MAML3: variants seen among roughly 807,000 people sequenced by gnomAD.
The protein encoded by MAML3 is mastermind like transcriptional coactivator 3, also known as mastermind-like protein 3.
In MAML3, 27 loss-of-function variants were observed where a neutral mutation model predicts 101.9. The observed-to-expected ratio is 0.27, with a 90% confidence interval of 0.20 to 0.37. The LOEUF (loss-of-function observed/expected upper bound fraction) is 0.37. MAML3 is among the 10% of genes least tolerant of loss of function. The pLI is 1.00. For missense variants in MAML3, 1,316 were observed against 1,444.9 expected, an observed-to-expected ratio of 0.91 and a Z score of 1.45; for synonymous variants, 501 against 555.9, an observed-to-expected ratio of 0.90 and a Z score of 1.39.
intron 2 of MAML3, among the ~76,000 whole-genome samples, chr4:139,779,138 G>A (rs1400027807): frequency 1.3e-5 from 2 of 152,292 alleles, no homozygotes; most frequent in East Asian, 3.9e-4. Context: ...ACATACAATG[G>A]CTGACCATTG....
At chr4:139,740,038 C>T (rs1424337994) in intron 2 of MAML3, among the ~76,000 whole-genome samples, 2 of 152,152 alleles carry the variant, frequency 1.3e-5, no homozygotes, top group Non-Finnish European at 2.9e-5. Flanking sequence ...ATGGCTTCCA[C>T]AACTGGGCTT....
chr4:139,744,497 C>T (rs926586738), intron 2 of MAML3, among the ~76,000 whole-genome samples: 2 of 152,176 alleles, frequency 1.3e-5, no homozygotes, highest in Non-Finnish European at 2.9e-5. Context: ...AAATATTGCT[C>T]AGAAAACAAG....
chr4:139,926,717 T>C (rs1271845789), intron 1 of MAML3, among the ~76,000 whole-genome samples: 1 of 152,250 alleles, frequency 6.6e-6, no homozygotes, highest in East Asian at 1.9e-4. Context: ...TACAGAAAAG[T>C]TGCAGAGTAC....
At chr4:139,742,968 C>T (rs1729213398) in intron 2 of MAML3, among the ~76,000 whole-genome samples, 1 of 152,224 alleles carries the variant, frequency 6.6e-6, no homozygotes, top group Non-Finnish European at 1.5e-5. Context: ...AATTTCTTTC[C>T]ACCAGAAACT....
chr4:140,054,514 T>A (rs1727320464), intron 1 of MAML3, among the ~76,000 whole-genome samples: 1 of 152,232 alleles, frequency 6.6e-6, no homozygotes, highest in Non-Finnish European at 1.5e-5. Context: ...TCTATGAGGA[T>A]GGTGGTCTCT....
At chr4:139,820,674 C>T (rs536034287) in intron 2 of MAML3, among the ~76,000 whole-genome samples, 11 of 152,230 alleles carry the variant, frequency 7.2e-5, no homozygotes, top group Non-Finnish European at 1.2e-4. Flanking sequence ...CTTATTACAG[C>T]GTGGACATTT....
At chr4:139,963,619 G>C (rs17005312) in intron 1 of MAML3, among the ~76,000 whole-genome samples, 7,894 of 152,098 alleles carry the variant, frequency 0.052, 638 homozygotes, top group African/African-American at 0.17. Flanking sequence ...TTATACCTTG[G>C]GTCAGACTAT....
intron 1 of MAML3, among the ~76,000 whole-genome samples, chr4:140,144,548 C>CA (rs758787783): frequency 0.083 from 7,940 of 95,850 alleles, 256 homozygotes; most frequent in Middle Eastern, 0.11. Context: ...AAAGCAAAAC[C>CA]AAAAAAAAAA....
At chr4:139,801,340 G>A (rs187833215) in intron 2 of MAML3, among the ~76,000 whole-genome samples, 1 of 152,244 alleles carries the variant, frequency 6.6e-6, no homozygotes, top group East Asian at 1.9e-4. Context: ...AAATTTAACT[G>A]GGTTTCCTTT....
intron 2 of MAML3, among the ~76,000 whole-genome samples, chr4:139,790,244 A>AT (rs1560795077): frequency 2.0e-4 from 19 of 95,436 alleles, no homozygotes; most frequent in South Asian, 6.5e-4. Context: ...TATATATATA[A>AT]ATAAATATAT....
At chr4:139,741,058 G>A (rs1729149273) in intron 2 of MAML3, among the ~76,000 whole-genome samples, 1 of 152,190 alleles carries the variant, frequency 6.6e-6, no homozygotes, top group South Asian at 2.1e-4. Context: ...TCTGAGAGGA[G>A]GGCTACCCTT....
intron 2 of MAML3, 82 bp from the exon 3 acceptor site, chr4:139,730,749 G>T: frequency 1.6e-6 from 2 of 1,286,532 alleles, no homozygotes; most frequent in Non-Finnish European, 2.2e-6. Flanking sequence ...TGGAAAAAGG[G>T]AACGGGGCAG....
At position 140,078,028 on chromosome 4, in the gene MAML3, A is replaced by AATAAATAAAT. The variant is rs1727800974; in HGVS notation, c.468+74831_468+74832insATTTATTTAT. On this transcript the variant is annotated intron_variant, in intron 1 of 4. Transcript: ENST00000509479. ...CAAGACTCCGTCTCAAATAAATAAA[A>AATAAATAAAT]AAATAAATAAATAAATAAATAAATA... 3.8e-4 allele frequency among the ~76,000 whole-genome samples: 56 copies of AATAAATAAAT among 148,050 alleles called. No homozygotes were observed. The South Asian group carries it at 0.012, about 32-fold the overall frequency.
At chr4:140,025,106 A>T (rs182190607) in intron 1 of MAML3, among the ~76,000 whole-genome samples, 10 of 152,300 alleles carry the variant, frequency 6.6e-5, no homozygotes, top group Admixed American at 6.5e-4. Flanking sequence ...TATAACAACC[A>T]ATGTAATGTG....
chr4:140,024,516 G>C (rs1041762071), intron 1 of MAML3, among the ~76,000 whole-genome samples: 2 of 152,032 alleles, frequency 1.3e-5, no homozygotes, highest in African/African-American at 4.8e-5. Context: ...GCGTGTGCTG[G>C]GATTACAGGC....
chr4:139,745,132 A>T (rs1729279094), intron 2 of MAML3, among the ~76,000 whole-genome samples: 1 of 152,100 alleles, frequency 6.6e-6, no homozygotes, highest in African/African-American at 2.4e-5. Flanking sequence ...TTTGAGTGAG[A>T]AGAGAAGGAA....
intron 2 of MAML3, among the ~76,000 whole-genome samples, chr4:139,865,505 T>TG (rs1731881045): frequency 6.7e-6 from 1 of 148,528 alleles, no homozygotes; most frequent in Non-Finnish European, 1.5e-5. Flanking sequence ...TGTTTTTTTT[T>TG]TTTTTCATTC....
chr4:140,077,669 G>A (rs948536208), intron 1 of MAML3, among the ~76,000 whole-genome samples: 1 of 152,140 alleles, frequency 6.6e-6, no homozygotes, highest in Non-Finnish European at 1.5e-5. Flanking sequence ...CATAGAAGTA[G>A]GCTAGTATTA....
At chr4:140,135,937 G>T (rs1256653041) in intron 1 of MAML3, among the ~76,000 whole-genome samples, 1 of 152,160 alleles carries the variant, frequency 6.6e-6, no homozygotes, top group East Asian at 1.9e-4. Flanking sequence ...CTAATGAATT[G>T]CCTTTTTTCA....
Sources: allele counts gnomAD v4.1 joint callset (sites outside exome capture counted in the v4.1 genomes callset), GRCh38; gene constraint gnomAD v4.1.1; transcripts MANE v1.5; gene names NCBI Gene and HGNC (gene_info 2026-07-23, HGNC 2026-07-21).